Variants in LINGO2 observed in about 807,000 individuals in gnomAD.
LINGO2 encodes the protein leucine rich repeat and Ig domain containing 2.
A neutral mutation model predicts 30.6 loss-of-function variants in LINGO2; 14 were observed. The observed-to-expected ratio is 0.46, with a 90% CI of 0.30 to 0.72. The LOEUF is 0.72. Among genes scored for constraint, LINGO2 ranks in the 30% least tolerant of loss-of-function variants. The probability of loss-of-function intolerance (pLI) is 0.07; values close to 1 mark genes in which losing one functional copy is unlikely to be tolerated. For synonymous variants in LINGO2, 317 were observed against 288.5 expected (o/e 1.10, Z -1.00); for missense variants, 729 against 751.7 (o/e 0.97, Z 0.35).
At chr9:29,014,171 G>C in the LINGO2 span, among the ~76,000 whole-genome samples, 2 of 152,102 alleles carry the variant, frequency 1.3e-5, no homozygotes, top group African/African-American at 2.4e-5. Context: ...CTTTAAAACA[G>C]ATGATAGAAA....
Position 28,073,558 on chromosome 9 carries a change from A to AT in LINGO2, c.-86-61154dup, listed in dbSNP as rs201072863. ...AACTAGATCAGTAATTAAAGGAACCATTTTTAAAAGATACATTCTTGTTCG... is the reference window on the plus strand; with the variant it reads ...AACTAGATCAGTAATTAAAGGAACCATTTTTTAAAAGATACATTCTTGTTCG... On this transcript the variant is annotated intron_variant, in intron 4 of 5. Transcript: ENST00000379992. 6.3e-3 allele frequency among the ~76,000 whole-genome samples: 953 copies of AT among 152,320 alleles called. 11 individuals are homozygous for AT. Among genetic ancestry groups the AT allele is most frequent in the African/African-American group, 0.022 (900 of 41,578 alleles).
At position 28,620,976 on chromosome 9, in the gene LINGO2, A is replaced by C. The variant is rs368836812; in HGVS notation, c.-365+49224T>G. On this transcript the variant is annotated intron_variant, in intron 1 of 5. Transcript: ENST00000379992. ...GCCTGCACTTGTACCTCTGAACTTA[A>C]AATCAAAGTTATAAAAACCAGTGGA... Among the ~76,000 whole-genome samples the C allele has an allele frequency of 4.6e-5, 7 of 152,084 alleles. No individual in the cohort carries two copies. In the East Asian group the frequency reaches 1.4e-3, roughly 29 times the overall value.
At chr9:28,302,228 A>G (rs1370783657) in intron 3 of LINGO2, among the ~76,000 whole-genome samples, 1 of 152,228 alleles carries the variant, frequency 6.6e-6, no homozygotes, top group East Asian at 1.9e-4. Flanking sequence ...ATGGGAAACA[A>G]GAAATGATGG....
intron 1 of LINGO2, among the ~76,000 whole-genome samples, chr9:28,586,531 A>G (rs1022517179): frequency 6.6e-6 from 1 of 152,096 alleles, no homozygotes; most frequent in Non-Finnish European, 1.5e-5. Flanking sequence ...TCATGAATGT[A>G]TAAGTATAGT....
At chr9:28,642,757 A>C (rs73445509) in intron 1 of LINGO2, among the ~76,000 whole-genome samples, 13,697 of 152,176 alleles carry the variant, frequency 0.09, 869 homozygotes, top group Admixed American at 0.22. Flanking sequence ...GAGAGAAATC[A>C]ATCTGGCATA....
the LINGO2 span, among the ~76,000 whole-genome samples, chr9:28,828,937 G>T: frequency 6.6e-6 from 1 of 152,108 alleles, no homozygotes; most frequent in South Asian, 2.1e-4. Context: ...TGGGTCCCCA[G>T]AGAAGGCCCC....
chr9:28,552,080 C>A (rs1420332358), intron 1 of LINGO2, among the ~76,000 whole-genome samples: 3 of 151,834 alleles, frequency 2.0e-5, no homozygotes, highest in Non-Finnish European at 4.4e-5. Context: ...AATCCTTTGC[C>A]CCCATATCCC....
intron 2 of LINGO2, among the ~76,000 whole-genome samples, chr9:28,467,321 C>G (rs1459294321): frequency 6.6e-6 from 1 of 152,162 alleles, no homozygotes; most frequent in East Asian, 1.9e-4. Flanking sequence ...GCCACCATGC[C>G]TGGCCCCCTA....
the LINGO2 span, among the ~76,000 whole-genome samples, chr9:28,807,022 C>T: frequency 6.6e-6 from 1 of 150,390 alleles, no homozygotes; most frequent in Non-Finnish European, 1.5e-5. Flanking sequence ...TTATAATTAT[C>T]ATTATTATTA....
chr9:29,057,517 T>A, the LINGO2 span, among the ~76,000 whole-genome samples: 1 of 152,150 alleles, frequency 6.6e-6, no homozygotes, highest in African/African-American at 2.4e-5. Flanking sequence ...TTCTTCCTGG[T>A]GTCACTTTCT....
At chr9:28,530,164 A>C (rs867907452) in intron 1 of LINGO2, among the ~76,000 whole-genome samples, 1 of 152,018 alleles carries the variant, frequency 6.6e-6, no homozygotes, top group East Asian at 1.9e-4. Context: ...ATGAGATGAG[A>C]AATCATTGTA....
the LINGO2 span, among the ~76,000 whole-genome samples, chr9:28,696,215 G>T: frequency 6.6e-6 from 1 of 151,884 alleles, no homozygotes; most frequent in South Asian, 2.1e-4. Flanking sequence ...CAAACAACTT[G>T]TAACAAATAC....
Position 28,252,377 on chromosome 9 carries a change from CA to C in LINGO2, c.-87+42830del, listed in dbSNP as rs201917687. Among the ~76,000 whole-genome samples the C allele has an allele frequency of 6.0e-3, 907 of 152,200 alleles. 14 individuals carry two copies. Among genetic ancestry groups the C allele is most frequent in the African/African-American group, 0.02 (847 of 41,552 alleles). ...AGTAGCTGGGACTACAGGCACGCATCACTATGCCTAGCTAATTTGTGTATTC... is the reference window on the plus strand; with the variant it reads ...AGTAGCTGGGACTACAGGCACGCATCCTATGCCTAGCTAATTTGTGTATTC... On this transcript the variant is annotated intron_variant, in intron 4 of 5. Transcript: ENST00000379992.
At chr9:28,803,257 ACACAAAAGT>A in the LINGO2 span, among the ~76,000 whole-genome samples, 1 of 151,900 alleles carries the variant, frequency 6.6e-6, no homozygotes, top group East Asian at 1.9e-4. Context: ...ACAGAATATA[ACACAAAAGT>A]CAAAGTGCAT....
At chr9:28,481,038 A>T (rs921765356) in intron 1 of LINGO2, among the ~76,000 whole-genome samples, 1 of 151,936 alleles carries the variant, frequency 6.6e-6, no homozygotes, top group African/African-American at 2.4e-5. Flanking sequence ...TCAACTCATT[A>T]TCAAAAGATT....
At chr9:28,769,681 CT>C in the LINGO2 span, among the ~76,000 whole-genome samples, 106 of 139,616 alleles carry the variant, frequency 7.6e-4, 1 homozygote, top group South Asian at 6.8e-3. Context: ...TTTTCAGGAA[CT>C]TTTTTTTTTT....
At chr9:28,397,852 A>C (rs866306396) in intron 2 of LINGO2, among the ~76,000 whole-genome samples, 1 of 151,966 alleles carries the variant, frequency 6.6e-6, no homozygotes, top group East Asian at 1.9e-4. Context: ...CGGCCAATAG[A>C]TGTCTTAAAT....
At chr9:28,181,308 G>T (rs1010285196) in intron 4 of LINGO2, among the ~76,000 whole-genome samples, 1 of 152,168 alleles carries the variant, frequency 6.6e-6, no homozygotes, top group Non-Finnish European at 1.5e-5. Flanking sequence ...TGTGTAAAAA[G>T]TTTCCTATGA....
chr9:29,036,055 G>T, the LINGO2 span, among the ~76,000 whole-genome samples: 1 of 152,044 alleles, frequency 6.6e-6, no homozygotes, highest in African/African-American at 2.4e-5. Flanking sequence ...TCATTTAAAA[G>T]ACTGAGTAAT....
Sources: gnomAD v4.1 joint callset for allele counts (sites outside exome capture counted in the v4.1 genomes callset) on GRCh38, gnomAD v4.1.1 for gene constraint, MANE v1.5 for transcripts, NCBI Gene and HGNC (gene_info 2026-07-23, HGNC 2026-07-21) for gene names.